Variants in SUGCT observed in about 807,000 individuals in gnomAD.
The protein encoded by SUGCT is succinyl-CoA:glutarate CoA-transferase.
SUGCT carries 41 observed loss-of-function variants against 55.0 expected under a neutral mutation model. The observed-to-expected ratio is 0.74, with a 90% CI of 0.58 to 0.97. The LOEUF is 0.97. Ranked by LOEUF, SUGCT falls within the 50% of genes least tolerant of loss-of-function variation. The pLI, the probability that SUGCT is intolerant of heterozygous loss-of-function variation, is 0.00. For synonymous variants in SUGCT, 187 were observed against 200.4 expected (o/e 0.93, Z 0.56); for missense variants, 568 against 547.8 (o/e 1.04, Z -0.37).
At chr7:40,806,817 G>C (rs1268739913) in intron 13 of SUGCT, among the ~76,000 whole-genome samples, 1 of 152,154 alleles carries the variant, frequency 6.6e-6, no homozygotes, top group Admixed American at 6.5e-5. Context: ...TAGAGGCTGG[G>C]GGTTTCAACT....
chr7:40,954,752 AG>A, the SUGCT span, among the ~76,000 whole-genome samples: 1 of 152,128 alleles, frequency 6.6e-6, no homozygotes, highest in Non-Finnish European at 1.5e-5. Context: ...GTTTTCTTCT[AG>A]GGTTTTTATG....
the SUGCT span, among the ~76,000 whole-genome samples, chr7:40,922,867 C>T: frequency 2.0e-5 from 3 of 152,208 alleles, no homozygotes; most frequent in African/African-American, 7.2e-5. Context: ...GGTGGTATTT[C>T]CTGCCCTTTG....
chr7:40,807,843 T>C (rs188155745), intron 13 of SUGCT, among the ~76,000 whole-genome samples: 3 of 152,314 alleles, frequency 2.0e-5, no homozygotes, highest in Admixed American at 1.3e-4. Flanking sequence ...GCTGAAGAAC[T>C]TGGGAGTCCA....
chr7:40,371,945 AAC>A (rs137960410), intron 9 of SUGCT, among the ~76,000 whole-genome samples: 5,079 of 146,870 alleles, frequency 0.035, 219 homozygotes, highest in African/African-American at 0.11. Context: ...ATACATCTCG[AAC>A]ACACACACAC....
chr7:40,794,851 G>T (rs1790475869), intron 13 of SUGCT, among the ~76,000 whole-genome samples: 1 of 151,814 alleles, frequency 6.6e-6, no homozygotes, highest in Non-Finnish European at 1.5e-5. Context: ...GAAGTTTTGT[G>T]TTCTTTTTAA....
At chr7:41,003,379 T>C in the SUGCT span, among the ~76,000 whole-genome samples, 1 of 152,068 alleles carries the variant, frequency 6.6e-6, no homozygotes, top group Admixed American at 6.6e-5. Context: ...AGGGATAGGG[T>C]TGCATTTAAA....
rs144047189 is a variant in SUGCT, at chr7:40,435,324, T to TG, written c.817-13962dup. On this transcript the variant is annotated intron_variant, in intron 9 of 13. Transcript: ENST00000335693. ...ACTAATATTCATCCTTAAACTTGGG[T>TG]GATCATCTGTGAGGAAGGAAGTTTG... is the stretch of plus-strand genomic sequence containing the variant. 2.7e-3 allele frequency among the ~76,000 whole-genome samples: 417 copies of TG among 152,244 alleles called. 4 individuals are homozygous for TG. The highest frequency in any genetic ancestry group is 4.4e-3 in the Non-Finnish European group (302 of 68,004).
chr7:40,624,253 T>C (rs149742177), intron 12 of SUGCT, among the ~76,000 whole-genome samples: 207 of 152,226 alleles, frequency 1.4e-3, no homozygotes, highest in African/African-American at 4.8e-3. Flanking sequence ...CCTCTCCTCT[T>C]TCTCCACCAG....
intron 12 of SUGCT, among the ~76,000 whole-genome samples, chr7:40,524,914 T>C (rs928919214): frequency 1.3e-5 from 2 of 152,164 alleles, no homozygotes; most frequent in Non-Finnish European, 2.9e-5. Flanking sequence ...GCATGTGTAC[T>C]TCACCCCTAC....
intron 9 of SUGCT, among the ~76,000 whole-genome samples, chr7:40,341,729 T>C (rs975889198): frequency 6.6e-6 from 1 of 152,108 alleles, no homozygotes; most frequent in African/African-American, 2.4e-5. Flanking sequence ...TTGTGGGCTG[T>C]GAATTAGTTA....
intron 13 of SUGCT, among the ~76,000 whole-genome samples, chr7:40,834,620 C>T (rs921243720): frequency 5.3e-5 from 8 of 152,198 alleles, no homozygotes; most frequent in South Asian, 2.1e-4. Flanking sequence ...CTATATTCTG[C>T]GCACCTGGAA....
intron 9 of SUGCT, among the ~76,000 whole-genome samples, chr7:40,417,216 T>C (rs542309751): frequency 2.4e-4 from 36 of 152,114 alleles, no homozygotes; most frequent in African/African-American, 7.9e-4. Context: ...ACATTTCAGC[T>C]TTTTTCTTTG....
chr7:40,185,706 A>C (rs1296157845), intron 3 of SUGCT, among the ~76,000 whole-genome samples: 1 of 152,092 alleles, frequency 6.6e-6, no homozygotes, highest in Non-Finnish European at 1.5e-5. Flanking sequence ...TATTTTTAGT[A>C]GAGACGGGGT....
At chr7:40,447,582 C>G (rs1333331142) in intron 9 of SUGCT, among the ~76,000 whole-genome samples, 1 of 151,786 alleles carries the variant, frequency 6.6e-6, no homozygotes. Context: ...AAGAAGGGAA[C>G]AAAGGAACAT....
intron 9 of SUGCT, among the ~76,000 whole-genome samples, chr7:40,398,476 T>C (rs1472816824): frequency 6.6e-6 from 1 of 151,516 alleles, no homozygotes; most frequent in Non-Finnish European, 1.5e-5. Context: ...TGCATCTCGG[T>C]TGGCCAGAGC....
At chr7:40,353,947 AT>A (rs1157590462) in intron 9 of SUGCT, among the ~76,000 whole-genome samples, 11 of 152,198 alleles carry the variant, frequency 7.2e-5, no homozygotes, top group African/African-American at 2.7e-4. Context: ...CTGAGAAAGA[AT>A]TTTAAAGAAA....
At chr7:40,919,141 A>T in the SUGCT span, among the ~76,000 whole-genome samples, 1 of 152,138 alleles carries the variant, frequency 6.6e-6, no homozygotes, top group African/African-American at 2.4e-5. Context: ...CATGCCTTTA[A>T]CCACCTGCTA....
intron 7 of SUGCT, among the ~76,000 whole-genome samples, chr7:40,258,948 G>C (rs1433116075): frequency 6.6e-6 from 1 of 152,012 alleles, no homozygotes; most frequent in East Asian, 1.9e-4. Flanking sequence ...AAAGAAACAT[G>C]GTATATATAC....
intron 9 of SUGCT, among the ~76,000 whole-genome samples, chr7:40,355,101 G>T (rs1562708282): frequency 6.6e-6 from 1 of 152,094 alleles, no homozygotes; most frequent in African/African-American, 2.4e-5. Flanking sequence ...AACTGGGAAG[G>T]ACTCTAATCT....
Sources: allele counts gnomAD v4.1 joint callset (sites outside exome capture counted in the v4.1 genomes callset), GRCh38; gene constraint gnomAD v4.1.1; transcripts MANE v1.5; gene names NCBI Gene and HGNC (gene_info 2026-07-23, HGNC 2026-07-21).